ATXN7L1: variants seen among roughly 807,000 people sequenced by gnomAD.
The protein encoded by ATXN7L1 is ataxin 7 like 1.
A neutral mutation model predicts 70.8 loss-of-function variants in ATXN7L1; 15 were observed. That is an observed-to-expected ratio of 0.21 (90% CI 0.14 to 0.33). The LOEUF (loss-of-function observed/expected upper bound fraction) is 0.33, where lower values mean the gene tolerates loss of function less well. ATXN7L1 is among the 10% of genes least tolerant of loss of function. ATXN7L1 has a pLI of 1.00. For synonymous variants in ATXN7L1, 440 were observed against 445.1 expected, an observed-to-expected ratio of 0.99 and a Z score of 0.14; for missense variants, 975 against 1,097.1, an observed-to-expected ratio of 0.89 and a Z score of 1.57.
At chr7:105,668,722 C>A (rs1229682436) in intron 3 of ATXN7L1, among the ~76,000 whole-genome samples, 3 of 152,050 alleles carry the variant, frequency 2.0e-5, no homozygotes, top group Non-Finnish European at 4.4e-5. Context: ...GCGCCTGGCC[C>A]CGGTTACTTA....
intron 8 of ATXN7L1, among the ~76,000 whole-genome samples, chr7:105,622,661 G>A (rs188922842): frequency 6.6e-6 from 1 of 152,310 alleles, no homozygotes; most frequent in Admixed American, 6.5e-5. Context: ...TTCCTCCTGC[G>A]TCACTGCAAC....
chr7:105,724,299 C>T (rs985273818), intron 3 of ATXN7L1, among the ~76,000 whole-genome samples: 13 of 152,088 alleles, frequency 8.5e-5, no homozygotes, highest in Non-Finnish European at 1.8e-4. Flanking sequence ...TAGGGCCGGG[C>T]GCAGTGGTTC....
intron 4 of ATXN7L1, among the ~76,000 whole-genome samples, chr7:105,654,621 A>G (rs773887963): frequency 2.4e-4 from 36 of 152,352 alleles, no homozygotes; most frequent in Admixed American, 3.3e-4. Flanking sequence ...CTTCACCACA[A>G]AATAGTCTTT....
chr7:105,639,129 C>T (rs998948402), intron 6 of ATXN7L1, among the ~76,000 whole-genome samples: 1 of 152,196 alleles, frequency 6.6e-6, no homozygotes, highest in Non-Finnish European at 1.5e-5. Flanking sequence ...CCCTCCAGGG[C>T]TGCCTTTCAG....
rs572038929 is a variant in ATXN7L1, at chr7:105,809,909, G to A, written c.251-21201C>T. ...ACTCAGCCTCCCAAGTAGCTGGGAC[G>A]AAAGGCACATGCCACCACATCCACC... On this transcript the variant is annotated intron_variant, in intron 2 of 11. Transcript: ENST00000419735. Among the ~76,000 whole-genome samples the A allele has an allele frequency of 5.3e-5, 8 of 152,146 alleles. No individual in the cohort carries two copies. The East Asian group carries it at 9.6e-4, about 18-fold the overall frequency.
At chr7:105,754,900 C>T (rs1430480919) in intron 3 of ATXN7L1, among the ~76,000 whole-genome samples, 4 of 152,192 alleles carry the variant, frequency 2.6e-5, no homozygotes, top group African/African-American at 9.7e-5. Flanking sequence ...TGTTTCTTCC[C>T]AAACATGACT....
intron 2 of ATXN7L1, among the ~76,000 whole-genome samples, chr7:105,865,462 C>T (rs140351323): frequency 0.083 from 12,557 of 150,558 alleles, 699 homozygotes; most frequent in East Asian, 0.25. Context: ...GGTGCAGTGG[C>T]GCGATCTCAG....
intron 3 of ATXN7L1, among the ~76,000 whole-genome samples, chr7:105,736,322 T>C (rs1047668204): frequency 2.0e-5 from 3 of 152,254 alleles, no homozygotes; most frequent in African/African-American, 7.2e-5. Flanking sequence ...GTGTGCTTAA[T>C]TACCTTGCAG....
At position 105,607,467 on chromosome 7, in the gene ATXN7L1, C is replaced by A; in HGVS notation, c.*385G>T. The A allele has an allele frequency of 4.3e-6, 1 of 230,758 alleles. No homozygotes were observed. Among genetic ancestry groups the A allele is most frequent in the Non-Finnish European group, 8.6e-6 (1 of 116,660 alleles). The allele number at this position is 230,758 out of a possible 1,614,324, so 14.3% of individuals were successfully genotyped here. A position where few individuals can be genotyped will look rare whatever the true frequency, so the allele number is the denominator to read the frequency against. On this transcript the variant is annotated 3_prime_UTR_variant, in exon 12 of 12. Transcript: ENST00000419735. ...AAAGGGCTCTGCCTGTGCTACAGTT[C>A]AAGAGCTTCAGAGCATGCCAACCTG...
At chr7:105,721,988 G>T (rs1006211717) in intron 3 of ATXN7L1, among the ~76,000 whole-genome samples, 10 of 152,242 alleles carry the variant, frequency 6.6e-5, no homozygotes, top group Non-Finnish European at 2.9e-5. Context: ...TTTAAGAGGG[G>T]TGTGTGTGAG....
chr7:105,665,401 C>A (rs2116069877), intron 3 of ATXN7L1, 113 bp from the exon 4 acceptor site: 1 of 808,600 alleles, frequency 1.2e-6, no homozygotes, highest in Non-Finnish European at 2.0e-6. Flanking sequence ...TTCCCTACAG[C>A]ACTGGCATTC....
intron 3 of ATXN7L1, among the ~76,000 whole-genome samples, chr7:105,740,784 T>TTTTTGTTTTTTTTTTTTTTTTG (rs556048408): frequency 1.3e-5 from 1 of 77,926 alleles, no homozygotes; most frequent in Non-Finnish European, 2.3e-5. Context: ...TTTTTTTTTT[T>TTTTTGTTTTTTTTTTTTTTTTG]AATGGAGTCT....
At chr7:105,731,434 CTTT>C (rs34234302) in intron 3 of ATXN7L1, among the ~76,000 whole-genome samples, 3 of 134,262 alleles carry the variant, frequency 2.2e-5, no homozygotes, top group Admixed American at 7.8e-5. Context: ...CTTCTTACTC[CTTT>C]TTTTTTTTTT....
chr7:105,714,247 T>C (rs1364825592), intron 3 of ATXN7L1, among the ~76,000 whole-genome samples: 1 of 152,228 alleles, frequency 6.6e-6, no homozygotes, highest in African/African-American at 2.4e-5. Context: ...TTGCCACCCC[T>C]GCAGGACACA....
At chr7:105,819,742 C>G (rs530442664) in intron 2 of ATXN7L1, 2 of 758,308 alleles carry the variant, frequency 2.6e-6, no homozygotes, top group East Asian at 5.9e-5. Context: ...CGGCTGACCT[C>G]GAGGCATGTT....
intron 4 of ATXN7L1, among the ~76,000 whole-genome samples, chr7:105,647,005 A>T (rs143771631): frequency 1.7e-3 from 257 of 152,196 alleles, no homozygotes; most frequent in African/African-American, 5.9e-3. Flanking sequence ...TTAATTTCTC[A>T]CCCTTGTTCT....
At chr7:105,649,697 G>A (rs1257664313) in intron 4 of ATXN7L1, 2 of 568,692 alleles carry the variant, frequency 3.5e-6, no homozygotes, top group East Asian at 1.5e-4. Context: ...CAACAGAAAT[G>A]CCTTAAGAGA....
intron 3 of ATXN7L1, among the ~76,000 whole-genome samples, chr7:105,717,724 G>A (rs1186605103): frequency 6.6e-6 from 1 of 152,148 alleles, no homozygotes; most frequent in African/African-American, 2.4e-5. Context: ...GGGTATTACA[G>A]TAATTTCTAA....
intron 3 of ATXN7L1, among the ~76,000 whole-genome samples, chr7:105,700,726 A>G (rs1792344101): frequency 6.6e-6 from 1 of 152,030 alleles, no homozygotes; most frequent in Admixed American, 6.6e-5. Context: ...TCTATCACCC[A>G]GGCTGCAGTG....
Sources: gnomAD v4.1 joint callset for allele counts (sites outside exome capture counted in the v4.1 genomes callset) on GRCh38, gnomAD v4.1.1 for gene constraint, MANE v1.5 for transcripts, NCBI Gene and HGNC (gene_info 2026-07-23, HGNC 2026-07-21) for gene names.